The following PBRM1 variants were observed in gnomAD, a reference collection of about 807,000 sequenced individuals.
PBRM1 encodes the protein polybromo 1.
A neutral mutation model predicts 194.5 loss-of-function variants in PBRM1; 27 were observed. That is an observed-to-expected ratio of 0.14 (90% CI 0.10 to 0.19). The LOEUF (loss-of-function observed/expected upper bound fraction) is 0.19. PBRM1 is among the 10% of genes least tolerant of loss of function. The pLI, the probability that PBRM1 is intolerant of heterozygous loss-of-function variation, is 1.00. For missense variants in PBRM1, 1,466 were observed against 2,077.2 expected (o/e 0.71, Z 5.72); for synonymous variants, 655 against 693.2 (o/e 0.94, Z 0.87).
intron 1 of PBRM1, among the ~76,000 whole-genome samples, chr3:52,685,075 C>G (rs1380802847): frequency 6.6e-6 from 1 of 152,104 alleles, no homozygotes; most frequent in South Asian, 2.1e-4. Context: ...AACAATTCAC[C>G]CCAACATACG....
chr3:52,609,164 A>G lies in PBRM1; in HGVS notation c.2567+149T>C. 1.5e-6 allele frequency: 1 copy of G among 648,366 alleles called. No individual in the cohort carries two copies. The highest frequency in any genetic ancestry group is 2.6e-6 in the Non-Finnish European group (1 of 380,790). 40.2% of individuals were successfully genotyped at this position (648,366 alleles called of 1,614,324 possible). A position where few individuals can be genotyped will look rare whatever the true frequency, so the allele number is the denominator to read the frequency against. On this transcript the variant is annotated intron_variant, in intron 16 of 29. Transcript: ENST00000296302. The surrounding 1 kb of genome is among the most constrained non-coding windows in gnomAD (Gnocchi z 4.1). ...CCCACAGAATATACTCACTCTTAAG[A>G]AGTTCTGGCTGATTAGAATTCAGAA...
At chr3:52,596,479 A>G (rs1438075795) in intron 17 of PBRM1, among the ~76,000 whole-genome samples, 2 of 136,664 alleles carry the variant, frequency 1.5e-5, no homozygotes, top group East Asian at 4.2e-4. Flanking sequence ...AAAAAAAAAA[A>G]AGAAATGTAT....
intron 2 of PBRM1, among the ~76,000 whole-genome samples, chr3:52,669,494 C>T (rs2096905867): frequency 1.3e-5 from 2 of 151,852 alleles, no homozygotes; most frequent in South Asian, 4.1e-4. Flanking sequence ...AATGAAGTTC[C>T]AGGAGACAAG....
upstream of PBRM1, among the ~76,000 whole-genome samples, chr3:52,683,289 G>C (rs1459486057): frequency 6.6e-6 from 1 of 151,788 alleles, no homozygotes; most frequent in Non-Finnish European, 1.5e-5. Flanking sequence ...CATGAGAATT[G>C]CTTGAACCCA....
At chr3:52,559,814 CAT>C (rs1212255788) in intron 25 of PBRM1, among the ~76,000 whole-genome samples, 5,899 of 144,520 alleles carry the variant, frequency 0.041, 389 homozygotes, top group African/African-American at 0.14. Flanking sequence ...AAACGAAGGC[CAT>C]TTGAACAAAC....
chr3:52,678,502 T>A, exon 2 of PBRM1: 2 of 1,604,542 alleles, frequency 1.2e-6, no homozygotes, highest in Non-Finnish European at 1.7e-6. Flanking sequence ...GAACTCACCT[T>A]CGCTTTGGTG....
At chr3:52,564,685 T>G (rs1401138082) in intron 22 of PBRM1, among the ~76,000 whole-genome samples, 2 of 151,990 alleles carry the variant, frequency 1.3e-5, no homozygotes, top group Non-Finnish European at 2.9e-5. Flanking sequence ...CAATATGTAT[T>G]GGCATAAGGA....
rs770026090 is a variant in PBRM1 at position 52,603,706 on chromosome 3, G to C, written c.2594C>G (p.Ala865Gly). 5.0e-6 allele frequency: 8 copies of C among 1,603,574 alleles called. No homozygotes were observed. In the East Asian group the frequency reaches 1.3e-4, roughly 27 times the overall value. The change falls in exon 17 of 30, where the codon GCA becomes GGA. Residue 865 changes from alanine to glycine, a missense_variant. Transcript: ENST00000296302. ...AATAAAAAACTGCTGAAGTTCTACT[G>C]CATCTTCATATATTTCTGAATCTGT...
At chr3:52,645,656 G>GT (rs1209477987) in intron 7 of PBRM1, among the ~76,000 whole-genome samples, 1 of 152,150 alleles carries the variant, frequency 6.6e-6, no homozygotes, top group Non-Finnish European at 1.5e-5. Context: ...CATAAGCACT[G>GT]TGATACCACA....
intron 15 of PBRM1, among the ~76,000 whole-genome samples, chr3:52,613,729 C>T (rs2094783789): frequency 6.6e-6 from 1 of 152,074 alleles, no homozygotes; most frequent in Non-Finnish European, 1.5e-5. Flanking sequence ...ATGGCTCATG[C>T]CTGTAATCCC....
At chr3:52,634,565 A>T (rs1168895591) in intron 11 of PBRM1, 37 bp downstream of exon 12, 1 of 1,334,990 alleles carries the variant, frequency 7.5e-7, no homozygotes, top group African/African-American at 1.5e-5. Flanking sequence ...GCCACAACAA[A>T]ATAAAATTAT....
At chr3:52,553,663 CT>C (rs71084188) in intron 27 of PBRM1, among the ~76,000 whole-genome samples, 194 of 119,400 alleles carry the variant, frequency 1.6e-3, no homozygotes, top group African/African-American at 2.3e-3. Flanking sequence ...CTAATTTTTC[CT>C]TTTTTTTTTT....
At chr3:52,582,098 C>T (rs998060613) in intron 20 of PBRM1, among the ~76,000 whole-genome samples, 18 of 149,060 alleles carry the variant, frequency 1.2e-4, no homozygotes, top group African/African-American at 3.7e-4. Flanking sequence ...CAAAAATAGC[C>T]GGGCATGGTG....
chr3:52,562,526 T>C (rs2083883727), intron 24 of PBRM1, among the ~76,000 whole-genome samples: 1 of 150,326 alleles, frequency 6.7e-6, no homozygotes, highest in African/African-American at 2.5e-5. Context: ...CAATTAAGTC[T>C]TGAGAAAATT....
chr3:52,583,444 AGT>A (rs1385295299), intron 20 of PBRM1, among the ~76,000 whole-genome samples: 2 of 152,062 alleles, frequency 1.3e-5, no homozygotes, highest in African/African-American at 4.8e-5. Context: ...ATAGGAGAAA[AGT>A]GTGTGTGGTC....
At chr3:52,553,714 T>G (rs1663163009) in intron 27 of PBRM1, among the ~76,000 whole-genome samples, 1 of 142,464 alleles carries the variant, frequency 7.0e-6, no homozygotes, top group Non-Finnish European at 1.5e-5. Flanking sequence ...CAGGCTGGAG[T>G]GTAGTGGTGC....
At chr3:52,589,106 T>C (rs759844033) in exon 18 of PBRM1, 6 of 1,613,808 alleles carry the variant, frequency 3.7e-6, no homozygotes, top group Admixed American at 1.7e-5. Flanking sequence ...ATACAGACGA[T>C]ATGTGGTTGT....
At chr3:52,567,565 C>CAAAAAAAAAA (rs10644120) in intron 22 of PBRM1, among the ~76,000 whole-genome samples, 16 of 91,342 alleles carry the variant, frequency 1.8e-4, no homozygotes, top group East Asian at 6.0e-4. Flanking sequence ...TAGGTAATCT[C>CAAAAAAAAAA]AAAAAAAAAA....
chr3:52,633,841 T>A (rs1325955239), intron 11 of PBRM1, among the ~76,000 whole-genome samples: 1 of 152,162 alleles, frequency 6.6e-6, no homozygotes, highest in African/African-American at 2.4e-5. Flanking sequence ...CCTTTGCCCA[T>A]TTCTGAATTG....
Sources: allele counts gnomAD v4.1 joint callset (sites outside exome capture counted in the v4.1 genomes callset), GRCh38; gene constraint gnomAD v4.1.1; non-coding constraint Gnocchi (gnomAD v3.1); transcripts MANE v1.5; gene names NCBI Gene and HGNC (gene_info 2026-07-23, HGNC 2026-07-21).